Variants in ST6GALNAC3 observed in about 807,000 individuals in gnomAD.
The protein encoded by ST6GALNAC3 is alpha-N-acetylgalactosaminide alpha-2,6-sialyltransferase 3.
Under a neutral mutation model 32.7 loss-of-function variants are expected in ST6GALNAC3, and 25 were observed. That is an observed-to-expected ratio of 0.76 (90% CI 0.56 to 1.07). ST6GALNAC3 has a LOEUF of 1.07. Among genes scored for constraint, ST6GALNAC3 ranks in the 50% least tolerant of loss-of-function variants. ST6GALNAC3 has a pLI of 0.00. For synonymous variants in ST6GALNAC3, 129 were observed against 133.1 expected (o/e 0.97, Z 0.21); for missense variants, 355 against 382.4 (o/e 0.93, Z 0.60).
At chr1:76,470,743 C>T (rs1407152088) in intron 3 of ST6GALNAC3, among the ~76,000 whole-genome samples, 1 of 152,056 alleles carries the variant, frequency 6.6e-6, no homozygotes, top group Non-Finnish European at 1.5e-5. Flanking sequence ...TTCCAAGAGG[C>T]CATCACTGAG....
At chr1:76,104,844 A>C (rs1647411714) in intron 1 of ST6GALNAC3, among the ~76,000 whole-genome samples, 3 of 152,152 alleles carry the variant, frequency 2.0e-5, no homozygotes, top group Non-Finnish European at 4.4e-5. Context: ...CACCTGCGGC[A>C]GACAAGAGAA....
chr1:76,544,994 T>G (rs897211740), intron 3 of ST6GALNAC3, among the ~76,000 whole-genome samples: 1 of 152,226 alleles, frequency 6.6e-6, no homozygotes, highest in Non-Finnish European at 1.5e-5. Flanking sequence ...ATTGTCCTTA[T>G]CTTTCTCATT....
intron 3 of ST6GALNAC3, among the ~76,000 whole-genome samples, chr1:76,506,796 G>T (rs1661505722): frequency 6.6e-6 from 1 of 152,142 alleles, no homozygotes; most frequent in African/African-American, 2.4e-5. Flanking sequence ...ATGTCACAAA[G>T]GCAATCAGCT....
intron 1 of ST6GALNAC3, among the ~76,000 whole-genome samples, chr1:76,229,056 G>A: frequency 6.6e-6 from 1 of 152,130 alleles, no homozygotes; most frequent in East Asian, 1.9e-4. Flanking sequence ...CTGAGAGACT[G>A]ATTATATGAA....
intron 2 of ST6GALNAC3, among the ~76,000 whole-genome samples, chr1:76,370,587 T>A (rs1024638032): frequency 5.9e-5 from 9 of 152,112 alleles, no homozygotes; most frequent in African/African-American, 2.2e-4. Flanking sequence ...TACCTGAAAG[T>A]CAATATGGCG....
intron 1 of ST6GALNAC3, among the ~76,000 whole-genome samples, chr1:76,098,233 G>T (rs530522965): frequency 2.0e-5 from 3 of 152,316 alleles, no homozygotes; most frequent in Admixed American, 6.5e-5. Flanking sequence ...AACTTAAATA[G>T]TTGTAGAATA....
Position 76,444,347 on chromosome 1 carries a change from C to T in ST6GALNAC3, c.623+31930C>T, listed in dbSNP as rs145197212. On this transcript the variant is annotated intron_variant, in intron 3 of 4. Coordinates refer to ENST00000328299, the MANE Select transcript of ST6GALNAC3 (RefSeq NM_152996.4). ...AAATTCTCCCAGATGGCTCCTATAA[C>T]ACTGGTCTAGACATTCACTTAACAA... 4.4e-3 allele frequency among the ~76,000 whole-genome samples: 664 copies of T among 152,294 alleles called. 4 individuals carry two copies. Among genetic ancestry groups the T allele is most frequent in the African/African-American group, 0.016 (651 of 41,566 alleles).
chr1:76,545,622 A>G (rs1380387046), intron 3 of ST6GALNAC3, among the ~76,000 whole-genome samples: 1 of 151,854 alleles, frequency 6.6e-6, no homozygotes, highest in African/African-American at 2.4e-5. Flanking sequence ...GTAAACATTA[A>G]CTGCAACTTA....
At chr1:76,338,630 T>G (rs115760063) in intron 2 of ST6GALNAC3, among the ~76,000 whole-genome samples, 10 of 152,140 alleles carry the variant, frequency 6.6e-5, no homozygotes, top group Non-Finnish European at 1.2e-4. Flanking sequence ...GCAGGGAAGA[T>G]GGGCAACAAG....
intron 3 of ST6GALNAC3, among the ~76,000 whole-genome samples, chr1:76,549,602 T>G (rs1294170208): frequency 2.0e-5 from 3 of 152,182 alleles, no homozygotes; most frequent in Non-Finnish European, 4.4e-5. Flanking sequence ...ACATTTTGAT[T>G]GTTTACAGTC....
intron 1 of ST6GALNAC3, among the ~76,000 whole-genome samples, chr1:76,227,707 G>C (rs1656154727): frequency 6.6e-6 from 1 of 152,168 alleles, no homozygotes; most frequent in Non-Finnish European, 1.5e-5. Flanking sequence ...TAGTTTAAAA[G>C]TCTCTAGGGA....
chr1:76,553,592 A>C (rs1664756307), intron 3 of ST6GALNAC3, among the ~76,000 whole-genome samples: 1 of 152,094 alleles, frequency 6.6e-6, no homozygotes. Context: ...ACTTCTTAGG[A>C]GTTGTCCTGT....
chr1:76,204,937 T>C lies in ST6GALNAC3; in HGVS notation c.19-108868T>C, dbSNP rs2783986. ...TCGCAGACTTAGATGAATTGATATA[T>C]GCAAATGTGCTTAGGAAAATGCCAT... On this transcript the variant is annotated intron_variant, in intron 1 of 4. Transcript: ENST00000328299. Among the ~76,000 whole-genome samples the C allele has an allele frequency of 2.0e-3, 303 of 152,332 alleles. 2 individuals are homozygous for C. The highest frequency in any genetic ancestry group is 7.0e-3 in the African/African-American group (292 of 41,586).
intron 3 of ST6GALNAC3, among the ~76,000 whole-genome samples, chr1:76,624,484 G>C (rs2100714169): frequency 6.6e-6 from 1 of 152,034 alleles, no homozygotes; most frequent in Non-Finnish European, 1.5e-5. Flanking sequence ...AGACCAGAAT[G>C]AGTCAGGAGA....
intron 1 of ST6GALNAC3, among the ~76,000 whole-genome samples, chr1:76,129,520 A>G (rs1258033609): frequency 4.6e-5 from 7 of 152,148 alleles, no homozygotes; most frequent in African/African-American, 1.7e-4. Flanking sequence ...CACCCTGTTA[A>G]CAATCCTTCT....
chr1:76,570,715 T>C lies in ST6GALNAC3; in HGVS notation c.624-56737T>C, dbSNP rs939273584. Among the ~76,000 whole-genome samples the C allele has an allele frequency of 2.6e-5, 4 of 152,254 alleles. No individual in the cohort carries two copies. In the East Asian group the frequency reaches 7.7e-4, roughly 29 times the overall value. On this transcript the variant is annotated intron_variant, in intron 3 of 4. Coordinates refer to ENST00000328299, the MANE Select transcript of ST6GALNAC3 (RefSeq NM_152996.4). The stretch of plus-strand genomic sequence containing the variant: ...TTCTAGAGCATTTGACATATCTCCT[T>C]GTCAAAGTGTTCTCTTCTCTTGCCG...
intron 1 of ST6GALNAC3, among the ~76,000 whole-genome samples, chr1:76,272,541 C>A (rs1658910401): frequency 6.6e-6 from 1 of 152,154 alleles, no homozygotes; most frequent in African/African-American, 2.4e-5. Context: ...GTTCAGAGTT[C>A]ATTCATTCCA....
chr1:76,336,725 A>C (rs115783593), intron 2 of ST6GALNAC3, among the ~76,000 whole-genome samples: 1 of 152,198 alleles, frequency 6.6e-6, no homozygotes, highest in East Asian at 1.9e-4. Context: ...CTCTGTGGAC[A>C]GGAACTCCTT....
chr1:76,263,799 A>G lies in ST6GALNAC3; in HGVS notation c.19-50006A>G, dbSNP rs1658377511. 2.6e-5 allele frequency among the ~76,000 whole-genome samples: 4 copies of G among 152,244 alleles called. No individual in the cohort carries two copies. In the South Asian group the frequency reaches 8.3e-4, roughly 32 times the overall value. ...TAGAATCACTTATTAAACCAAAGTCAGGGTCACCCCTTGTGGGGCTTAGAA... is the reference window on the plus strand; with the variant it reads ...TAGAATCACTTATTAAACCAAAGTCGGGGTCACCCCTTGTGGGGCTTAGAA... On this transcript the variant is annotated intron_variant, in intron 1 of 4. Coordinates refer to ENST00000328299, the MANE Select transcript of ST6GALNAC3 (RefSeq NM_152996.4).
Sources: allele counts gnomAD v4.1 joint callset (sites outside exome capture counted in the v4.1 genomes callset), GRCh38; gene constraint gnomAD v4.1.1; transcripts MANE v1.5; gene names NCBI Gene and HGNC (gene_info 2026-07-23, HGNC 2026-07-21).